PRKCE: variants seen among roughly 807,000 people sequenced by gnomAD.
PRKCE encodes protein kinase C epsilon, also known as protein kinase C epsilon type.
Under a neutral mutation model 85.4 loss-of-function variants are expected in PRKCE, and 16 were observed. The observed-to-expected ratio is 0.19, with a 90% CI of 0.13 to 0.28. The LOEUF is 0.28. PRKCE is among the 10% of genes least tolerant of loss of function. PRKCE has a pLI of 1.00. For missense variants in PRKCE, 573 were observed against 975.2 expected (o/e 0.59, Z 5.49); for synonymous variants, 388 against 371.5 (o/e 1.04, Z -0.51).
At chr2:46,161,596 C>T (rs1438902587) in intron 14 of PRKCE, among the ~76,000 whole-genome samples, 1 of 151,866 alleles carries the variant, frequency 6.6e-6, no homozygotes, top group African/African-American at 2.4e-5. Flanking sequence ...GTGGGGAGGA[C>T]AAGTGAAGCC....
intron 1 of PRKCE, among the ~76,000 whole-genome samples, chr2:45,785,516 A>G (rs62127178): frequency 6.6e-6 from 1 of 152,084 alleles, no homozygotes; most frequent in Non-Finnish European, 1.5e-5. Context: ...AAAAAAAGAA[A>G]TGTAAGTGGT....
intron 1 of PRKCE, among the ~76,000 whole-genome samples, chr2:45,744,092 A>T (rs1037893360): frequency 1.3e-5 from 2 of 151,814 alleles, no homozygotes; most frequent in African/African-American, 4.8e-5. Context: ...CCACAAGCTG[A>T]GTAACTTTGT....
chr2:45,957,917 ATTTTTTT>A (rs11403708), intron 2 of PRKCE, among the ~76,000 whole-genome samples: 6 of 135,320 alleles, frequency 4.4e-5, no homozygotes, highest in South Asian at 2.4e-4. Flanking sequence ...CTGTGTCTCT[ATTTTTTT>A]TTTTTTTTTT....
Position 45,942,535 on chromosome 2 carries a change from C to G in PRKCE, c.413-33894C>G, listed in dbSNP as rs1018073368. 4.0e-4 allele frequency among the ~76,000 whole-genome samples: 61 copies of G among 152,190 alleles called. 3 individuals are homozygous for G. On this transcript the variant is annotated intron_variant, in intron 2 of 14. Transcript: ENST00000306156. ...GCAGCCGTTGTGATGTGAAAGGTCC[C>G]TGTGGCTCTCATGAGGGGAACAGCA...
At chr2:45,882,157 TATC>T (rs1694936997) in intron 2 of PRKCE, among the ~76,000 whole-genome samples, 1 of 152,258 alleles carries the variant, frequency 6.6e-6, no homozygotes, top group Admixed American at 6.5e-5. Context: ...TTCCTTCCGA[TATC>T]ATGATGTCAT....
At chr2:45,801,452 G>C (rs772502228) in intron 1 of PRKCE, among the ~76,000 whole-genome samples, 26 of 152,106 alleles carry the variant, frequency 1.7e-4, no homozygotes, top group Admixed American at 3.9e-4. Flanking sequence ...AACAGGAAGG[G>C]GAGCAGTGGA....
intron 9 of PRKCE, among the ~76,000 whole-genome samples, chr2:46,008,263 T>C (rs1705373158): frequency 6.6e-6 from 1 of 152,190 alleles, no homozygotes; most frequent in Admixed American, 6.5e-5. Context: ...CCATATCCTG[T>C]TCCCACTGAG....
chr2:45,813,098 G>A (rs79738529), intron 1 of PRKCE, among the ~76,000 whole-genome samples: 6,888 of 152,154 alleles, frequency 0.045, 258 homozygotes, highest in East Asian at 0.2. Flanking sequence ...GAGAGAATCC[G>A]CTTTTGGCAT....
At chr2:45,909,149 A>T (rs763757801) in intron 2 of PRKCE, among the ~76,000 whole-genome samples, 5 of 152,254 alleles carry the variant, frequency 3.3e-5, no homozygotes, top group Non-Finnish European at 5.9e-5. Context: ...TGCATTTATT[A>T]GTAATAGTAC....
chr2:45,941,635 C>T (rs1699884881), intron 2 of PRKCE, among the ~76,000 whole-genome samples: 1 of 152,098 alleles, frequency 6.6e-6, no homozygotes, highest in African/African-American at 2.4e-5. Context: ...CAGCACAATT[C>T]CATCTGTTGA....
At chr2:46,064,510 A>G (rs987810522) in intron 10 of PRKCE, among the ~76,000 whole-genome samples, 6 of 152,218 alleles carry the variant, frequency 3.9e-5, no homozygotes, top group Non-Finnish European at 2.9e-5. Flanking sequence ...TCTTGGCAAT[A>G]ACTGCTTAAA....
rs550637758 is a variant in PRKCE at position 45,996,673 on chromosome 2, T to A, written c.824-4731T>A. ...TTTCAAATGTTGAACCAGCCTTGCTTGCCTGGGATAAATCCTACTTGGTCA... is the reference window on the plus strand; with the variant it reads ...TTTCAAATGTTGAACCAGCCTTGCTAGCCTGGGATAAATCCTACTTGGTCA... On this transcript the variant is annotated intron_variant, in intron 6 of 14. Coordinates refer to ENST00000306156, the MANE Select transcript of PRKCE (RefSeq NM_005400.3). Among the ~76,000 whole-genome samples, 6 of 152,330 alleles carry A rather than the reference T, an allele frequency of 3.9e-5. No individual in the cohort carries two copies. In the East Asian group the frequency reaches 1.2e-3, roughly 29 times the overall value.
At chr2:46,069,372 C>A (rs573553764) in intron 10 of PRKCE, among the ~76,000 whole-genome samples, 1 of 151,974 alleles carries the variant, frequency 6.6e-6, no homozygotes, top group African/African-American at 2.4e-5. Context: ...ATATGGTATG[C>A]GTCTAAAATA....
At chr2:45,834,997 C>T (rs1181388962) in intron 1 of PRKCE, among the ~76,000 whole-genome samples, 1 of 152,200 alleles carries the variant, frequency 6.6e-6, no homozygotes, top group East Asian at 1.9e-4. Context: ...GTATTTTGAT[C>T]ACAGGAGACA....
At chr2:45,953,544 A>G (rs532734947) in intron 2 of PRKCE, among the ~76,000 whole-genome samples, 1 of 152,256 alleles carries the variant, frequency 6.6e-6, no homozygotes, top group East Asian at 1.9e-4. Context: ...CTAAAAAATG[A>G]CATTGAACCC....
chr2:45,988,453 A>T (rs1427167220), intron 6 of PRKCE, among the ~76,000 whole-genome samples: 1 of 152,134 alleles, frequency 6.6e-6, no homozygotes, highest in Non-Finnish European at 1.5e-5. Context: ...CTTTTATGAC[A>T]AGGAAATGGA....
chr2:45,996,153 C>A (rs141211407), intron 6 of PRKCE, among the ~76,000 whole-genome samples: 1 of 151,814 alleles, frequency 6.6e-6, no homozygotes, highest in African/African-American at 2.4e-5. Flanking sequence ...TTTTAAATTC[C>A]ATTTGTTCAT....
Position 46,186,915 on chromosome 2 carries a change from TA to T in PRKCE, c.*2035del, listed in dbSNP as rs1290558911. The T allele has an allele frequency of 6.5e-6, 1 of 152,678 alleles. No homozygotes were observed. Among genetic ancestry groups the T allele is most frequent in the African/African-American group, 2.4e-5 (1 of 41,464 alleles). The allele number at this position is 152,678 out of a possible 1,614,324, so 9.5% of individuals were successfully genotyped here. A position where few individuals can be genotyped will look rare whatever the true frequency, so the allele number is the denominator to read the frequency against. On this transcript the variant is annotated 3_prime_UTR_variant, in exon 15 of 15. Transcript: ENST00000306156. ...TAAGATAATTGCAAATATTAAATAT[TA>T]TGATATATCAATTCATGTGTTTGGC... is the stretch of plus-strand genomic sequence containing the variant.
chr2:45,806,320 C>G (rs1211346504), intron 1 of PRKCE, among the ~76,000 whole-genome samples: 1 of 152,088 alleles, frequency 6.6e-6, no homozygotes, highest in Non-Finnish European at 1.5e-5. Flanking sequence ...ATGGTGCTGC[C>G]CTTAACCCAC....
Sources: gnomAD v4.1 joint callset for allele counts (sites outside exome capture counted in the v4.1 genomes callset) on GRCh38, gnomAD v4.1.1 for gene constraint, MANE v1.5 for transcripts, NCBI Gene and HGNC (gene_info 2026-07-23, HGNC 2026-07-21) for gene names.